The following FER variants were observed in gnomAD, a reference collection of about 807,000 sequenced individuals.
FER encodes the protein tyrosine-protein kinase Fer.
In FER, 63 loss-of-function variants were observed where a neutral mutation model predicts 111.0. The observed-to-expected ratio is 0.57, with a 90% confidence interval of 0.46 to 0.70. The LOEUF is 0.70. Among genes scored for constraint, FER ranks in the 30% least tolerant of loss-of-function variants. FER has a pLI of 0.00. For missense variants in FER, 914 were observed against 954.0 expected (o/e 0.96, Z 0.55); for synonymous variants, 327 against 313.9 (o/e 1.04, Z -0.44).
intron 16 of FER, among the ~76,000 whole-genome samples, chr5:109,094,946 G>A (rs1446812982): frequency 6.6e-6 from 1 of 152,132 alleles, no homozygotes; most frequent in Non-Finnish European, 1.5e-5. Context: ...CTCGCAGTTT[G>A]CATCATGTCT....
At chr5:109,012,697 A>G (rs1232614988) in intron 13 of FER, among the ~76,000 whole-genome samples, 2 of 152,254 alleles carry the variant, frequency 1.3e-5, no homozygotes, top group Non-Finnish European at 2.9e-5. Context: ...TAGGACATTA[A>G]GTGAATGTAG....
chr5:108,811,528 T>C (rs1256034721), intron 3 of FER, among the ~76,000 whole-genome samples: 2 of 152,286 alleles, frequency 1.3e-5, no homozygotes, highest in Non-Finnish European at 2.9e-5. Context: ...TGTTGTTGGT[T>C]AGAGTGTTCT....
chr5:109,147,794 TATATATAGAGAGAG>T (rs1214411428), intron 17 of FER, among the ~76,000 whole-genome samples: 1 of 133,356 alleles, frequency 7.5e-6, no homozygotes, highest in Non-Finnish European at 1.6e-5. Context: ...TATATATATA[TATATATAGAGAGAG>T]AGAGAGAGAG....
At chr5:109,029,349 A>G (rs571224804) in intron 13 of FER, among the ~76,000 whole-genome samples, 1 of 148,662 alleles carries the variant, frequency 6.7e-6, no homozygotes, top group East Asian at 2.0e-4. Flanking sequence ...TGCACCCACT[A>G]ACTCGTCATC....
intron 10 of FER, among the ~76,000 whole-genome samples, chr5:108,902,901 A>T (rs183505858): frequency 3.6e-4 from 54 of 151,064 alleles, no homozygotes; most frequent in Non-Finnish European, 6.6e-4. Context: ...CTTTCTTATT[A>T]TATTTATTTA....
intron 1 of FER, among the ~76,000 whole-genome samples, chr5:108,754,472 C>G (rs983813791): frequency 6.6e-6 from 1 of 150,830 alleles, no homozygotes; most frequent in African/African-American, 2.4e-5. Flanking sequence ...GAAGACATAC[C>G]TTACAATTCT....
At chr5:108,757,807 C>A (rs1751284405) in intron 1 of FER, among the ~76,000 whole-genome samples, 1 of 152,162 alleles carries the variant, frequency 6.6e-6, no homozygotes, top group African/African-American at 2.4e-5. Flanking sequence ...GTCCTAACTT[C>A]TGGGATAATA....
At chr5:108,863,367 C>T (rs1763722696) in intron 5 of FER, among the ~76,000 whole-genome samples, 1 of 152,120 alleles carries the variant, frequency 6.6e-6, no homozygotes, top group South Asian at 2.1e-4. Context: ...GTAATCCGCC[C>T]GCCTCGGCCT....
intron 16 of FER, among the ~76,000 whole-genome samples, chr5:109,067,652 G>C (rs1056904375): frequency 6.6e-6 from 1 of 151,830 alleles, no homozygotes; most frequent in Non-Finnish European, 1.5e-5. Context: ...CTAATCATCT[G>C]CTACTATAGT....
chr5:109,119,189 A>G (rs1478462125), intron 17 of FER, among the ~76,000 whole-genome samples: 1 of 152,080 alleles, frequency 6.6e-6, no homozygotes, highest in Non-Finnish European at 1.5e-5. Context: ...AATGTGTCTC[A>G]GAGATTCTGG....
At chr5:109,121,489 C>T (rs1750969730) in intron 17 of FER, among the ~76,000 whole-genome samples, 1 of 151,864 alleles carries the variant, frequency 6.6e-6, no homozygotes, top group Non-Finnish European at 1.5e-5. Flanking sequence ...TCATTGAATT[C>T]AGTTTATTCT....
chr5:109,027,819 A>T (rs923919955), intron 13 of FER, among the ~76,000 whole-genome samples: 1 of 152,184 alleles, frequency 6.6e-6, no homozygotes, highest in Admixed American at 6.5e-5. Flanking sequence ...AAATGACTAC[A>T]TTTGTGAGGC....
intron 13 of FER, among the ~76,000 whole-genome samples, chr5:109,012,890 A>G (rs2149807562): frequency 6.6e-6 from 1 of 152,294 alleles, no homozygotes. Context: ...GTCATACTTG[A>G]TAGACTTAAA....
At chr5:108,987,524 A>C (rs987951868) in intron 13 of FER, among the ~76,000 whole-genome samples, 1 of 152,078 alleles carries the variant, frequency 6.6e-6, no homozygotes, top group African/African-American at 2.4e-5. Flanking sequence ...ATATTCCTAA[A>C]TTTTATTTTA....
intron 16 of FER, among the ~76,000 whole-genome samples, chr5:109,092,727 T>TA (rs1746982634): frequency 6.6e-6 from 1 of 152,154 alleles, no homozygotes; most frequent in Non-Finnish European, 1.5e-5. Context: ...AAACTGGAAC[T>TA]ACCATATAAT....
At chr5:108,968,417 A>G (rs1291601143) in intron 13 of FER, among the ~76,000 whole-genome samples, 2 of 152,144 alleles carry the variant, frequency 1.3e-5, no homozygotes, top group Non-Finnish European at 2.9e-5. Context: ...TACCTGCTGA[A>G]TGTGAAGAAT....
At chr5:109,056,926 T>C (rs1773727047) in intron 16 of FER, among the ~76,000 whole-genome samples, 2 of 152,224 alleles carry the variant, frequency 1.3e-5, no homozygotes, top group Admixed American at 1.3e-4. Context: ...CCTTTGCATT[T>C]CCATATTAAT....
chr5:109,129,778 C>G (rs780206231), intron 17 of FER, among the ~76,000 whole-genome samples: 1 of 151,942 alleles, frequency 6.6e-6, no homozygotes, highest in African/African-American at 2.4e-5. Context: ...AAAATGCATA[C>G]CCTTTTACAC....
At chr5:108,984,953 A>G (rs1762401477) in intron 13 of FER, among the ~76,000 whole-genome samples, 1 of 152,140 alleles carries the variant, frequency 6.6e-6, no homozygotes, top group Non-Finnish European at 1.5e-5. Flanking sequence ...TTTAGAGGTT[A>G]GAAAACCCAC....
Sources: allele counts gnomAD v4.1 joint callset (sites outside exome capture counted in the v4.1 genomes callset), GRCh38; gene constraint gnomAD v4.1.1; transcripts MANE v1.5; gene names NCBI Gene and HGNC (gene_info 2026-07-23, HGNC 2026-07-21).